CARMIL1: variants seen among roughly 807,000 people sequenced by gnomAD.
CARMIL1 encodes the protein F-actin-uncapping protein LRRC16A.
A neutral mutation model predicts 177.1 loss-of-function variants in CARMIL1; 90 were observed. The ratio of observed to expected loss-of-function variants is 0.51; its 90% confidence interval spans 0.43 to 0.61. The LOEUF (loss-of-function observed/expected upper bound fraction) is 0.61. CARMIL1 is among the 20% of genes least tolerant of loss of function. The pLI is 0.00. For missense variants in CARMIL1, 1,380 were observed against 1,667.0 expected (o/e 0.83, Z 3.00); for synonymous variants, 577 against 606.2 (o/e 0.95, Z 0.71).
chr6:25,469,929 A>G (rs559960622), intron 9 of CARMIL1, among the ~76,000 whole-genome samples: 1 of 152,336 alleles, frequency 6.6e-6, no homozygotes, highest in African/African-American at 2.4e-5. Context: ...GCAGGTTATA[A>G]ATATAAAAAC....
chr6:25,606,171 T>G lies in CARMIL1; in HGVS notation c.3745T>G (p.Ser1249Ala). 6.2e-7 allele frequency: 1 copy of G among 1,613,938 alleles called. No homozygotes were observed. Among genetic ancestry groups the G allele is most frequent in the Non-Finnish European group, 8.5e-7 (1 of 1,179,882 alleles). The change falls in exon 35 of 37, where the codon TCC becomes GCC. Residue 1249 changes from serine to alanine, a missense_variant. Physicochemically the swap from Ser to Ala is moderately conservative, Grantham distance 99 (BLOSUM62 1). Coordinates refer to ENST00000329474, the MANE Select transcript of CARMIL1 (RefSeq NM_017640.6). Reference protein sequence around the residue: ...AEAGSRSRSSSSTPTSPKPLL... With the variant: ...AEAGSRSRSSASTPTSPKPLL... Reference sequence around the variant, plus strand: ...AGCAGGCTCCAGGTCTCGGAGCTCATCCAGCACACCTACGAGCCCGAAGCC... The same window carrying G: ...AGCAGGCTCCAGGTCTCGGAGCTCAGCCAGCACACCTACGAGCCCGAAGCC...
In CARMIL1 at chr6:25,450,618, C is replaced by T; in HGVS notation, c.541-20C>T. 6.9e-7 allele frequency: 1 copy of T among 1,438,958 alleles called. No homozygotes were observed. 89.1% of individuals were successfully genotyped at this position (1,438,958 alleles called of 1,614,324 possible). ...TCATCTGCATGGACTGATGACATGA[C>T]TGAATTATATTTCAAATAGGATGTG... On this transcript the variant is annotated intron_variant, in intron 7 of 36. Transcript: ENST00000329474.
intron 2 of CARMIL1, among the ~76,000 whole-genome samples, chr6:25,374,535 G>A (rs1246041324): frequency 6.6e-6 from 1 of 152,172 alleles, no homozygotes; most frequent in Non-Finnish European, 1.5e-5. Flanking sequence ...ACTATATTAG[G>A]TCCATTTGTT....
At chr6:25,292,158 C>T (rs375286985) in intron 2 of CARMIL1, among the ~76,000 whole-genome samples, 22 of 152,328 alleles carry the variant, frequency 1.4e-4, no homozygotes, top group African/African-American at 5.3e-4. Context: ...CCCAGGTTTA[C>T]ATCCCTCTGT....
intron 20 of CARMIL1, among the ~76,000 whole-genome samples, chr6:25,511,322 G>A (rs1052147627): frequency 6.6e-6 from 1 of 152,096 alleles, no homozygotes; most frequent in Admixed American, 6.5e-5. Context: ...ATCTTATTTT[G>A]CTGTCCTTGA....
At chr6:25,540,227 G>A in intron 26 of CARMIL1, 149 bp downstream of exon 26, 1 of 730,872 alleles carries the variant, frequency 1.4e-6, no homozygotes, top group Non-Finnish European at 2.0e-6. Flanking sequence ...GTCTTTTCCA[G>A]CTTCATTATA....
intron 2 of CARMIL1, among the ~76,000 whole-genome samples, chr6:25,331,198 T>A (rs1785595225): frequency 6.6e-6 from 1 of 152,140 alleles, no homozygotes; most frequent in Non-Finnish European, 1.5e-5. Context: ...TCAAAACAAC[T>A]TTTCTTCTGT....
intron 8 of CARMIL1, among the ~76,000 whole-genome samples, chr6:25,459,327 G>C (rs1378446830): frequency 7.1e-6 from 1 of 140,906 alleles, no homozygotes; most frequent in Admixed American, 7.6e-5. Context: ...CCTGGGCTTA[G>C]TTGATCCTCC....
chr6:25,483,575 G>GT (rs937349382), intron 12 of CARMIL1, among the ~76,000 whole-genome samples: 3 of 147,246 alleles, frequency 2.0e-5, no homozygotes, highest in African/African-American at 5.0e-5. Context: ...GCTGTCTTAT[G>GT]TTTTTATATG....
At chr6:25,306,503 C>T (rs1176159714) in intron 2 of CARMIL1, among the ~76,000 whole-genome samples, 1 of 152,168 alleles carries the variant, frequency 6.6e-6, no homozygotes, top group South Asian at 2.1e-4. Flanking sequence ...CTCCTCCCCC[C>T]CACTTTTATT....
chr6:25,580,539 T>G (rs889884082), intron 29 of CARMIL1, among the ~76,000 whole-genome samples: 3 of 152,232 alleles, frequency 2.0e-5, no homozygotes, highest in African/African-American at 7.2e-5. Context: ...AGGTCAGGGT[T>G]GCTTACATTG....
chr6:25,537,637 A>G (rs1050736990), intron 24 of CARMIL1, among the ~76,000 whole-genome samples: 1 of 152,214 alleles, frequency 6.6e-6, no homozygotes, highest in African/African-American at 2.4e-5. Context: ...TTTTTCTGGC[A>G]TTAAAGTTGC....
chr6:25,309,305 A>G (rs772927232), intron 2 of CARMIL1, among the ~76,000 whole-genome samples: 6 of 149,926 alleles, frequency 4.0e-5, no homozygotes, highest in Non-Finnish European at 8.9e-5. Context: ...CAATGAGCTC[A>G]GATCATGCCA....
intron 2 of CARMIL1, among the ~76,000 whole-genome samples, chr6:25,288,335 G>T (rs752612997): frequency 5.3e-5 from 8 of 152,122 alleles, no homozygotes; most frequent in Non-Finnish European, 1.2e-4. Context: ...TTGCAGTTGG[G>T]ATGTCAGGTG....
intron 2 of CARMIL1, among the ~76,000 whole-genome samples, chr6:25,362,690 CA>C (rs917196196): frequency 2.1e-4 from 32 of 151,746 alleles, no homozygotes; most frequent in African/African-American, 7.7e-4. Context: ...CAAAACAAAA[CA>C]AAAAAACCAC....
At chr6:25,605,974 T>A in intron 34 of CARMIL1, 87 bp from the exon 35 acceptor site, 1 of 831,248 alleles carries the variant, frequency 1.2e-6, no homozygotes, top group South Asian at 1.8e-5. Flanking sequence ...CGATGGCAAA[T>A]GATTACAGCA....
At chr6:25,443,458 T>C (rs1278196751) in intron 5 of CARMIL1, among the ~76,000 whole-genome samples, 1 of 152,206 alleles carries the variant, frequency 6.6e-6, no homozygotes, top group African/African-American at 2.4e-5. Context: ...ATCTTGTGCA[T>C]TTACACGGAA....
chr6:25,354,770 CTT>C (rs749856156), intron 2 of CARMIL1, among the ~76,000 whole-genome samples: 8 of 152,216 alleles, frequency 5.3e-5, no homozygotes, highest in Non-Finnish European at 1.2e-4. Flanking sequence ...TCATCGAAGA[CTT>C]TTCCAACGTT....
At chr6:25,481,923 G>A (rs950677264) in intron 11 of CARMIL1, among the ~76,000 whole-genome samples, 1 of 152,136 alleles carries the variant, frequency 6.6e-6, no homozygotes, top group Non-Finnish European at 1.5e-5. Flanking sequence ...AGGTTAAAAA[G>A]AAAAGGGGTT....
Sources: allele counts gnomAD v4.1 joint callset (sites outside exome capture counted in the v4.1 genomes callset), GRCh38; gene constraint gnomAD v4.1.1; transcripts MANE v1.5; gene names NCBI Gene and HGNC (gene_info 2026-07-23, HGNC 2026-07-21).